Variants in NRXN1 observed in about 807,000 individuals in gnomAD.
The protein encoded by NRXN1 is neurexin 1, also known as neurexin-1.
In NRXN1, 39 loss-of-function variants were observed where a neutral mutation model predicts 150.9. The observed-to-expected ratio is 0.26, with a 90% CI of 0.20 to 0.34. NRXN1 has a LOEUF of 0.34. Among genes scored for constraint, NRXN1 ranks in the 10% least tolerant of loss-of-function variants. The probability of loss-of-function intolerance (pLI) is 1.00; values close to 1 mark genes in which losing one functional copy is unlikely to be tolerated. For synonymous variants in NRXN1, 924 were observed against 757.0 expected (o/e 1.22, Z -3.62); for missense variants, 1,815 against 1,949.9 (o/e 0.93, Z 1.30).
intron 2 of NRXN1, among the ~76,000 whole-genome samples, chr2:50,965,451 C>T (rs1370758722): frequency 6.6e-6 from 1 of 151,172 alleles, no homozygotes; most frequent in African/African-American, 2.4e-5. Flanking sequence ...TGCAAAATAA[C>T]CGTTTGATTT....
intron 5 of NRXN1, among the ~76,000 whole-genome samples, chr2:50,921,652 G>A (rs886547314): frequency 6.6e-6 from 1 of 151,384 alleles, no homozygotes; most frequent in African/African-American, 2.4e-5. Flanking sequence ...CACCTGACAT[G>A]AAAAAGATCA....
chr2:50,104,356 C>G (rs1028171633), intron 18 of NRXN1, among the ~76,000 whole-genome samples: 1 of 152,012 alleles, frequency 6.6e-6, no homozygotes, highest in Non-Finnish European at 1.5e-5. Context: ...CCCTGCCAAA[C>G]ATGTCCACTG....
intron 15 of NRXN1, among the ~76,000 whole-genome samples, chr2:50,494,914 C>A (rs556626668): frequency 6.6e-5 from 10 of 151,950 alleles, no homozygotes; most frequent in African/African-American, 2.2e-4. Flanking sequence ...GCCTGTAATC[C>A]CAGCTACTTG....
At chr2:50,214,485 T>C (rs2063249842) in intron 18 of NRXN1, among the ~76,000 whole-genome samples, 1 of 151,950 alleles carries the variant, frequency 6.6e-6, no homozygotes, top group South Asian at 2.1e-4. Context: ...TTTGTCCAGG[T>C]AGAGACTGAT....
chr2:50,682,028 A>C (rs1290250332), intron 5 of NRXN1, among the ~76,000 whole-genome samples: 7 of 152,192 alleles, frequency 4.6e-5, no homozygotes, highest in African/African-American at 1.7e-4. Context: ...AGAAAACATA[A>C]ATGTGCCTGG....
In NRXN1 at chr2:50,750,353, A is replaced by T. The variant is rs184990636; in HGVS notation, c.833-126738T>A. ...AATTAGTTGTCAGTAGTCAAAAATT[A>T]AAAAATGTCACAGAAAACCTGACTA... is the stretch of plus-strand genomic sequence containing the variant. On this transcript the variant is annotated intron_variant, in intron 5 of 22. Transcript: ENST00000401669. Among the ~76,000 whole-genome samples, 547 of 67,634 alleles carry T rather than the reference A, an allele frequency of 8.1e-3. 2 individuals carry two copies. Among genetic ancestry groups the T allele is most frequent in the Middle Eastern group, 0.021 (3 of 142 alleles). 44.4% of individuals were successfully genotyped at this position (67,634 alleles called of 152,430 possible).
chr2:51,026,738 C>T lies in NRXN1; in HGVS notation c.772+764G>A, dbSNP rs1263392977. ...TGTTAATTAAGAAATCTTATTTAAT[C>T]TCTAACATTTTTAAACGTCAGCTGA... On this transcript the variant is annotated intron_variant, in intron 2 of 22. Transcript: ENST00000401669. 2.0e-5 allele frequency among the ~76,000 whole-genome samples: 3 copies of T among 152,158 alleles called. No individual in the cohort carries two copies. The East Asian group carries it at 5.8e-4, about 29-fold the overall frequency.
At chr2:50,157,076 A>G (rs2059065779) in intron 18 of NRXN1, among the ~76,000 whole-genome samples, 1 of 151,998 alleles carries the variant, frequency 6.6e-6, no homozygotes, top group Admixed American at 6.6e-5. Context: ...AGACACATAG[A>G]GGTACACAGG....
chr2:50,173,390 T>C (rs1559027651), intron 18 of NRXN1, among the ~76,000 whole-genome samples: 1 of 152,334 alleles, frequency 6.6e-6, no homozygotes, highest in Non-Finnish European at 1.5e-5. Flanking sequence ...TGACTAAGGT[T>C]AGCTTTTCAG....
chr2:50,453,316 A>T (rs1450061563), intron 17 of NRXN1, among the ~76,000 whole-genome samples: 1 of 152,176 alleles, frequency 6.6e-6, no homozygotes, highest in Non-Finnish European at 1.5e-5. Flanking sequence ...TGTATTTCTG[A>T]CAGATTCACA....
At chr2:50,286,128 T>C (rs938062581) in intron 17 of NRXN1, among the ~76,000 whole-genome samples, 4 of 152,196 alleles carry the variant, frequency 2.6e-5, no homozygotes, top group Admixed American at 6.5e-5. Context: ...ATAGTTATCA[T>C]TTTTGTGATG....
chr2:50,299,654 T>C (rs1347361557), intron 17 of NRXN1, among the ~76,000 whole-genome samples: 1 of 152,166 alleles, frequency 6.6e-6, no homozygotes. Context: ...TGTCTGAACT[T>C]TTTATTATTC....
At chr2:49,935,901 A>G (rs953462174) in intron 22 of NRXN1, among the ~76,000 whole-genome samples, 3 of 152,130 alleles carry the variant, frequency 2.0e-5, no homozygotes, top group African/African-American at 7.2e-5. Context: ...TCCTCCCTTC[A>G]AGGTGGTTAA....
At chr2:50,748,685 G>A (rs1458800894) in intron 5 of NRXN1, among the ~76,000 whole-genome samples, 2 of 151,984 alleles carry the variant, frequency 1.3e-5, no homozygotes, top group African/African-American at 4.8e-5. Flanking sequence ...ACCCGGAATC[G>A]GCTATCTCAC....
At chr2:50,862,129 G>A (rs1299355268) in intron 5 of NRXN1, among the ~76,000 whole-genome samples, 1 of 151,348 alleles carries the variant, frequency 6.6e-6, no homozygotes, top group Non-Finnish European at 1.5e-5. Flanking sequence ...TTGAACCAGG[G>A]AGGCAGAGGT....
At chr2:50,656,526 T>C (rs1686490775) in intron 5 of NRXN1, 1 of 596,850 alleles carries the variant, frequency 1.7e-6, no homozygotes. Flanking sequence ...AGTTAATTTA[T>C]CCCCTAAATA....
chr2:50,970,488 A>T (rs73930238), intron 2 of NRXN1, among the ~76,000 whole-genome samples: 1,593 of 152,286 alleles, frequency 0.01, 36 homozygotes, highest in African/African-American at 0.036. Flanking sequence ...AGGTACAGCA[A>T]AACACATTAA....
chr2:50,933,386 A>AT, intron 2 of NRXN1, among the ~76,000 whole-genome samples: 1 of 152,248 alleles, frequency 6.6e-6, no homozygotes, highest in East Asian at 1.9e-4. Context: ...TTGGTAAAAA[A>AT]TATTACTTTC....
At chr2:50,589,194 G>C (rs1318739685) in intron 8 of NRXN1, 1 of 152,454 alleles carries the variant, frequency 6.6e-6, no homozygotes, top group Non-Finnish European at 1.5e-5. Context: ...GGAAGGGAGA[G>C]GAGGAGTAGG....
Sources: gnomAD v4.1 joint callset for allele counts (sites outside exome capture counted in the v4.1 genomes callset) on GRCh38, gnomAD v4.1.1 for gene constraint, MANE v1.5 for transcripts, NCBI Gene and HGNC (gene_info 2026-07-23, HGNC 2026-07-21) for gene names.